The following IL1RAPL2 variants were observed in gnomAD, a reference collection of about 807,000 sequenced individuals.
The protein encoded by IL1RAPL2 is interleukin 1 receptor accessory protein like 2, also known as X-linked interleukin-1 receptor accessory protein-like 2.
Under a neutral mutation model 44.1 loss-of-function variants are expected in IL1RAPL2, and 3 were observed. That is an observed-to-expected ratio of 0.07 (90% CI 0.03 to 0.18). The LOEUF is 0.18. Ranked by LOEUF, IL1RAPL2 falls within the 10% of genes least tolerant of loss-of-function variation. The probability of loss-of-function intolerance (pLI) is 1.00; values close to 1 mark genes in which losing one functional copy is unlikely to be tolerated. For missense variants in IL1RAPL2, 391 were observed against 496.4 expected, an observed-to-expected ratio of 0.79 and a Z score of 2.02; for synonymous variants, 181 against 178.8, an observed-to-expected ratio of 1.01 and a Z score of -0.10.
intron 2 of IL1RAPL2, among the ~76,000 whole-genome samples, chrX:105,177,951 CCT>C (rs1412710975): frequency 2.7e-5 from 3 of 111,326 alleles, no homozygotes; most frequent in Non-Finnish European, 5.7e-5. Flanking sequence ...ATATCCATCA[CCT>C]CATGTTTTTA....
In IL1RAPL2 at chrX:105,195,512, A is replaced by G. The variant is rs1556140329; in HGVS notation, c.120A>G (p.Thr40=). 1 of 1,210,358 alleles carries G rather than the reference A, an allele frequency of 8.3e-7. No homozygotes were observed. Among genetic ancestry groups the G allele is most frequent in the African/African-American group, 1.7e-5 (1 of 57,393 alleles). Residue 40 remains threonine, a synonymous_variant, in exon 3 of 11, where the codon ACA becomes ACG. Coordinates refer to ENST00000372582, the MANE Select transcript of IL1RAPL2 (RefSeq NM_017416.2). ...TTGACTGGTCAGTGGATCTCAAGACATACATGGCTTTGGCAGGTGAACCAG... is the reference window on the plus strand; with the variant it reads ...TTGACTGGTCAGTGGATCTCAAGACGTACATGGCTTTGGCAGGTGAACCAG... ...GCIDWSVDLK[T]YMALAGEPVR...
At chrX:105,305,361 C>T (rs1420794216) in intron 5 of IL1RAPL2, among the ~76,000 whole-genome samples, 4 of 111,630 alleles carry the variant, frequency 3.6e-5, no homozygotes, top group Middle Eastern at 4.6e-3. Flanking sequence ...CACACACACA[C>T]GCACGGATCT....
At chrX:105,732,757 C>T (rs2038416459) in intron 7 of IL1RAPL2, among the ~76,000 whole-genome samples, 1 of 111,531 alleles carries the variant, frequency 9.0e-6, no homozygotes, top group South Asian at 3.7e-4. Context: ...TTCCAAATAA[C>T]ACCATACCAT....
rs557515404 is a variant in IL1RAPL2, at chrX:105,184,731, A to C, written c.83-10744A>C. Reference sequence around the variant, plus strand: ...TTAGAATATTTCATAATGCCCTTTTACTGTCATGAAGTGAAATTTATAGGT... The same window carrying C: ...TTAGAATATTTCATAATGCCCTTTTCCTGTCATGAAGTGAAATTTATAGGT... On this transcript the variant is annotated intron_variant, in intron 2 of 10. Coordinates refer to ENST00000372582, the MANE Select transcript of IL1RAPL2 (RefSeq NM_017416.2). Among the ~76,000 whole-genome samples the C allele has an allele frequency of 2.8e-3, 313 of 110,588 alleles. 2 individuals carry two copies. The highest frequency in any genetic ancestry group is 5.0e-3 in the Non-Finnish European group (267 of 52,900).
intron 6 of IL1RAPL2, among the ~76,000 whole-genome samples, chrX:105,569,413 T>C (rs996286426): frequency 1.8e-5 from 2 of 111,706 alleles, no homozygotes; most frequent in Non-Finnish European, 3.8e-5. Context: ...TGCAGCCATA[T>C]GATAGGATTA....
chrX:104,632,068 A>G (rs1197223817), intron 1 of IL1RAPL2, among the ~76,000 whole-genome samples: 1 of 111,727 alleles, frequency 9.0e-6, no homozygotes, highest in Non-Finnish European at 1.9e-5. Context: ...ATGGCTAGCC[A>G]GTTTTCCCAG....
chrX:105,180,855 T>C (rs781837336), intron 2 of IL1RAPL2, among the ~76,000 whole-genome samples: 159 of 112,450 alleles, frequency 1.4e-3, no homozygotes, highest in Non-Finnish European at 2.7e-3. Context: ...TAGAATGAGT[T>C]AGGGAGAATT....
intron 2 of IL1RAPL2, among the ~76,000 whole-genome samples, chrX:104,960,525 A>G (rs1304626048): frequency 1.8e-5 from 2 of 111,420 alleles, no homozygotes; most frequent in East Asian, 5.6e-4. Context: ...TGTAGCACCC[A>G]GGAGAGTATG....
intron 6 of IL1RAPL2, among the ~76,000 whole-genome samples, chrX:105,545,635 AT>A (rs990672181): frequency 3.6e-5 from 4 of 111,706 alleles, no homozygotes; most frequent in Admixed American, 9.5e-5. Flanking sequence ...TCTAGCCTTC[AT>A]TGTTTATTAT....
chrX:105,283,984 G>A (rs948084001), intron 5 of IL1RAPL2, among the ~76,000 whole-genome samples: 1 of 111,408 alleles, frequency 9.0e-6, no homozygotes, highest in Non-Finnish European at 1.9e-5. Flanking sequence ...CATGATAATT[G>A]TACCTATATT....
chrX:104,623,890 T>A (rs1332679111), intron 1 of IL1RAPL2, among the ~76,000 whole-genome samples: 2 of 111,746 alleles, frequency 1.8e-5, no homozygotes, highest in Non-Finnish European at 3.8e-5. Context: ...ATAAGAAATA[T>A]GAACTATTTT....
intron 1 of IL1RAPL2, among the ~76,000 whole-genome samples, chrX:104,646,871 G>A (rs750508380): frequency 1.8e-5 from 2 of 111,786 alleles, no homozygotes; most frequent in South Asian, 3.8e-4. Context: ...GCCAGGAAGT[G>A]CGGTCATATC....
At position 105,288,172 on chromosome X, in the gene IL1RAPL2, C is replaced by CT. The variant is rs200736590; in HGVS notation, c.697+20639dup. ...ATTAAATTTTGAAAGAGAAAGAGTC[C>CT]TTTTTTTTCCTTCCTCATCTCCTGC... On this transcript the variant is annotated intron_variant, in intron 5 of 10. Transcript: ENST00000372582. Among the ~76,000 whole-genome samples, 394 of 110,390 alleles carry CT rather than the reference C, an allele frequency of 3.6e-3. 18 individuals carry two copies. In the East Asian group the frequency reaches 0.085, roughly 24 times the overall value.
chrX:105,299,870 T>C (rs770901293), intron 5 of IL1RAPL2, among the ~76,000 whole-genome samples: 1 of 111,985 alleles, frequency 8.9e-6, no homozygotes, highest in Non-Finnish European at 1.9e-5. Flanking sequence ...TCAGTTCTGC[T>C]TTGTCTTGTT....
intron 2 of IL1RAPL2, among the ~76,000 whole-genome samples, chrX:104,857,732 G>C (rs1922398837): frequency 9.0e-6 from 1 of 111,306 alleles, no homozygotes; most frequent in African/African-American, 3.3e-5. Context: ...TGGCTCACTT[G>C]TACAACACTA....
At chrX:105,295,097 T>C (rs1280433103) in intron 5 of IL1RAPL2, among the ~76,000 whole-genome samples, 2 of 111,436 alleles carry the variant, frequency 1.8e-5, no homozygotes, top group Non-Finnish European at 3.8e-5. Context: ...AGAACAAGTG[T>C]GTTAAGGAGT....
chrX:104,929,733 G>T (rs1427171705), intron 2 of IL1RAPL2, among the ~76,000 whole-genome samples: 1 of 111,221 alleles, frequency 9.0e-6, no homozygotes, highest in African/African-American at 3.3e-5. Flanking sequence ...TCAGATTCCA[G>T]ATCTGCTTGG....
intron 5 of IL1RAPL2, among the ~76,000 whole-genome samples, chrX:105,268,956 A>T (rs1244414907): frequency 2.7e-5 from 3 of 110,771 alleles, no homozygotes; most frequent in African/African-American, 9.8e-5. Flanking sequence ...ATAAACAATT[A>T]AAAAAGTATG....
rs377151430 is a variant in IL1RAPL2, at chrX:105,704,791, A to T, written c.773-12576A>T. 2.7e-5 allele frequency among the ~76,000 whole-genome samples: 3 copies of T among 109,177 alleles called. No homozygotes were observed. In the Admixed American group the frequency reaches 3.0e-4, roughly 11 times the overall value. 94.8% of individuals were successfully genotyped at this position (109,177 alleles called of 115,157 possible). ...TGTTCTCCCTCCCACCACCCCACCC[A>T]CCAACAGGAGAGGCAGCAATTTTAA... On this transcript the variant is annotated intron_variant, in intron 6 of 10. Transcript: ENST00000372582.
Sources: allele counts gnomAD v4.1 joint callset (sites outside exome capture counted in the v4.1 genomes callset), GRCh38; gene constraint gnomAD v4.1.1; transcripts MANE v1.5; gene names NCBI Gene and HGNC (gene_info 2026-07-23, HGNC 2026-07-21).